The following PDIA5 variants were observed in gnomAD, a reference collection of about 807,000 sequenced individuals.
The protein encoded by PDIA5 is protein disulfide isomerase family A member 5.
A neutral mutation model predicts 77.6 loss-of-function variants in PDIA5; 58 were observed. The observed-to-expected ratio is 0.75, with a 90% CI of 0.61 to 0.93. PDIA5 has a LOEUF of 0.93. PDIA5 is among the 40% of genes least tolerant of loss of function. PDIA5 has a pLI of 0.00. For missense variants in PDIA5, 630 were observed against 647.7 expected (o/e 0.97, Z 0.30); for synonymous variants, 250 against 252.1 (o/e 0.99, Z 0.08).
At position 123,115,378 on chromosome 3, in the gene PDIA5, G is replaced by A. The variant is rs921307807; in HGVS notation, c.542-853G>A. ...TGTTTGGGACCTGGCCTTCCTGGTCGCTTGAGTCCAGGAGTTCAAGGCCCC... is the reference window on the plus strand; with the variant it reads ...TGTTTGGGACCTGGCCTTCCTGGTCACTTGAGTCCAGGAGTTCAAGGCCCC... On this transcript the variant is annotated intron_variant, in intron 7 of 16. Transcript: ENST00000316218. Among the ~76,000 whole-genome samples, 21 of 152,152 alleles carry A rather than the reference G, an allele frequency of 1.4e-4. No individual in the cohort carries two copies. The East Asian group carries it at 2.3e-3, about 17-fold the overall frequency.
At chr3:123,142,341 G>GT (rs1411690576) in intron 11 of PDIA5, among the ~76,000 whole-genome samples, 2 of 152,238 alleles carry the variant, frequency 1.3e-5, no homozygotes, top group African/African-American at 4.8e-5. Flanking sequence ...TGTAATCGGT[G>GT]TGTAAAATTG....
At chr3:123,129,247 T>G (rs1407135754) in intron 10 of PDIA5, among the ~76,000 whole-genome samples, 3 of 152,246 alleles carry the variant, frequency 2.0e-5, no homozygotes, top group Non-Finnish European at 4.4e-5. Flanking sequence ...TGACTCATTC[T>G]GAAGCTTGAT....
chr3:123,131,159 A>G (rs1341424243), intron 11 of PDIA5, among the ~76,000 whole-genome samples: 3 of 152,112 alleles, frequency 2.0e-5, no homozygotes, highest in Non-Finnish European at 4.4e-5. Flanking sequence ...AGTCCCAGCT[A>G]CTCAGGAGGC....
chr3:123,092,228 T>C, intron 2 of PDIA5, 127 bp from the exon 3 acceptor site: 2 of 699,802 alleles, frequency 2.9e-6, no homozygotes, highest in Non-Finnish European at 5.0e-6. Flanking sequence ...GTGTTTTACC[T>C]GGTGCTCAGG....
chr3:123,092,308 C>G lies in PDIA5; in HGVS notation c.170-47C>G, dbSNP rs781260374. On this transcript the variant is annotated intron_variant, in intron 2 of 16. Coordinates refer to ENST00000316218, the MANE Select transcript of PDIA5 (RefSeq NM_006810.4). Reference sequence around the variant, plus strand: ...CTGAGGGAAGATAGCAGACATGACCCAGTGCCCTTGGTCACAGATGTTTAA... The same window carrying G: ...CTGAGGGAAGATAGCAGACATGACCGAGTGCCCTTGGTCACAGATGTTTAA... 21 of 1,457,728 alleles carry G rather than the reference C, an allele frequency of 1.4e-5. No homozygotes were observed. The Admixed American group carries it at 3.5e-4, about 24-fold the overall frequency. The allele number at this position is 1,457,728 out of a possible 1,614,324, so 90.3% of individuals were successfully genotyped here. A position where few individuals can be genotyped will look rare whatever the true frequency, so the allele number is the denominator to read the frequency against.
intron 13 of PDIA5, among the ~76,000 whole-genome samples, chr3:123,147,384 C>T (rs891875732): frequency 1.3e-5 from 2 of 152,168 alleles, no homozygotes; most frequent in African/African-American, 2.4e-5. Flanking sequence ...GGGGTTAGGA[C>T]ATCAACATAT....
chr3:123,105,656 G>T (rs189797507), intron 5 of PDIA5, among the ~76,000 whole-genome samples: 1 of 152,128 alleles, frequency 6.6e-6, no homozygotes, highest in East Asian at 1.9e-4. Context: ...GGTCCTCTCC[G>T]TGTGTGACCA....
chr3:123,116,245 A>G lies in PDIA5; in HGVS notation c.556A>G (p.Lys186Glu). 1 of 1,614,096 alleles carries G rather than the reference A, an allele frequency of 6.2e-7. No individual in the cohort carries two copies. Among genetic ancestry groups the G allele is most frequent in the Non-Finnish European group, 8.5e-7 (1 of 1,179,984 alleles). ...CCTGTGACCAGGGTGCAGCATGTGC[A>G]AGAGGATGATGCCGCATTTCCAGAA... Reference protein sequence around the residue: ...MFYAPWCSMCKRMMPHFQKAA... With the variant: ...MFYAPWCSMCERMMPHFQKAA... The change falls in exon 8 of 17, where the codon AAG becomes GAG. Residue 186 changes from lysine (K) to glutamate (E), a missense_variant. Physicochemically the swap from Lys to Glu is moderately conservative, Grantham distance 56. Transcript: ENST00000316218.
chr3:123,120,802 C>T (rs1234418173), intron 8 of PDIA5, among the ~76,000 whole-genome samples: 2 of 152,148 alleles, frequency 1.3e-5, no homozygotes, highest in South Asian at 4.1e-4. Context: ...TTCCCCACCC[C>T]CCACCTCCAC....
At chr3:123,091,150 T>G (rs1031985635) in intron 2 of PDIA5, among the ~76,000 whole-genome samples, 2 of 152,154 alleles carry the variant, frequency 1.3e-5, no homozygotes, top group African/African-American at 4.8e-5. Flanking sequence ...GCCCTCCTCC[T>G]GTCACCCTGG....
At chr3:123,113,346 G>A (rs559961887) in intron 7 of PDIA5, among the ~76,000 whole-genome samples, 7 of 152,242 alleles carry the variant, frequency 4.6e-5, no homozygotes, top group East Asian at 3.9e-4. Flanking sequence ...GCCCTCTCCC[G>A]CCATGCACCC....
intron 15 of PDIA5, among the ~76,000 whole-genome samples, chr3:123,156,684 G>A (rs930074710): frequency 5.3e-5 from 8 of 152,152 alleles, no homozygotes; most frequent in African/African-American, 1.7e-4. Context: ...GTCTCCATAG[G>A]CCCCAGGAGA....
At position 123,154,981 on chromosome 3, in the gene PDIA5, C is replaced by A; in HGVS notation, c.1284C>A (p.His428Gln). 6.2e-7 allele frequency: 1 copy of A among 1,610,064 alleles called. No homozygotes were observed. The highest frequency in any genetic ancestry group is 8.5e-7 in the Non-Finnish European group (1 of 1,176,310). ...TCCCCTCTCACACAGGGTGCCCACA[C>A]TGTAAGAAGGTCATTCCGCACTTTA... ...LVMFYAPWCP[H>Q]CKKVIPHFTA... Residue 428 changes from histidine (H) to glutamine (Q), a missense_variant, in exon 15 of 17, where the codon CAC becomes CAA. Coordinates refer to ENST00000316218, the MANE Select transcript of PDIA5 (RefSeq NM_006810.4).
rs761037772 is a variant in PDIA5 at position 123,161,395 on chromosome 3, C to T, written c.1419C>T (p.Tyr473=). ...DLCQQEAVKG[Y]PTFHYYHYGK... ...GCCAGCAGGAGGCGGTCAAGGGCTACCCCACTTTCCACTACTACCACTATG... is the reference window on the plus strand; with the variant it reads ...GCCAGCAGGAGGCGGTCAAGGGCTATCCCACTTTCCACTACTACCACTATG... Residue 473 remains tyrosine, a synonymous_variant, in exon 16 of 17, where the codon TAC becomes TAT. Coordinates refer to ENST00000316218, the MANE Select transcript of PDIA5 (RefSeq NM_006810.4). 2.1e-5 allele frequency: 34 copies of T among 1,614,140 alleles called. No homozygotes were observed. The highest frequency in any genetic ancestry group is 2.3e-5 in the Non-Finnish European group (27 of 1,179,976).
chr3:123,126,663 C>A (rs1426102777), intron 10 of PDIA5, among the ~76,000 whole-genome samples: 1 of 152,228 alleles, frequency 6.6e-6, no homozygotes, highest in Admixed American at 6.5e-5. Flanking sequence ...GTGACCTCAT[C>A]TTTCCTGCTT....
chr3:123,145,884 G>A (rs114816927), intron 12 of PDIA5, among the ~76,000 whole-genome samples: 1,835 of 152,300 alleles, frequency 0.012, 38 homozygotes, highest in African/African-American at 0.042. Flanking sequence ...GGCTGGTGGG[G>A]CAGATTCAAA....
intron 10 of PDIA5, among the ~76,000 whole-genome samples, chr3:123,126,256 C>G (rs1935244054): frequency 6.6e-6 from 1 of 152,028 alleles, no homozygotes; most frequent in Non-Finnish European, 1.5e-5. Context: ...GCTCCCCCAC[C>G]CGCATTGCTC....
intron 5 of PDIA5, among the ~76,000 whole-genome samples, chr3:123,104,462 C>T (rs1357800944): frequency 1.3e-5 from 2 of 152,218 alleles, no homozygotes; most frequent in African/African-American, 4.8e-5. Context: ...ATGGAGGACC[C>T]CCCGACAGGA....
At chr3:123,092,226 C>T in intron 2 of PDIA5, 129 bp from the exon 3 acceptor site, 1 of 693,700 alleles carries the variant, frequency 1.4e-6, no homozygotes, top group South Asian at 1.7e-5. Flanking sequence ...GGGTGTTTTA[C>T]CTGGTGCTCA....
Sources: gnomAD v4.1 joint callset for allele counts (sites outside exome capture counted in the v4.1 genomes callset) on GRCh38, gnomAD v4.1.1 for gene constraint, MANE v1.5 for transcripts, NCBI Gene and HGNC (gene_info 2026-07-23, HGNC 2026-07-21) for gene names.